PRELID2: variants seen among roughly 807,000 people sequenced by gnomAD.
The protein encoded by PRELID2 is PRELI domain-containing protein 2.
A neutral mutation model predicts 28.4 loss-of-function variants in PRELID2; 25 were observed. That is an observed-to-expected ratio of 0.88 (90% CI 0.64 to 1.23). The LOEUF (loss-of-function observed/expected upper bound fraction) is 1.23, where lower values mean the gene tolerates loss of function less well. PRELID2 is among the 50% of genes most tolerant of loss of function. The pLI is 0.00. For synonymous variants in PRELID2, 76 were observed against 71.6 expected, an observed-to-expected ratio of 1.06 and a Z score of -0.31; for missense variants, 201 against 214.4, an observed-to-expected ratio of 0.94 and a Z score of 0.39.
intron 1 of PRELID2, among the ~76,000 whole-genome samples, chr5:145,724,291 T>TA (rs1444706863): frequency 4.0e-5 from 6 of 151,462 alleles, no homozygotes; most frequent in Admixed American, 6.6e-5. Flanking sequence ...ATTATGATCA[T>TA]AAAAAAATCA....
intron 4 of PRELID2, among the ~76,000 whole-genome samples, chr5:145,816,146 G>T (rs552074974): frequency 5.6e-5 from 8 of 143,220 alleles, no homozygotes; most frequent in African/African-American, 2.1e-4. Context: ...GCCATGGTGC[G>T]ATCTCGGCTC....
chr5:145,675,937 G>T (rs1420372530), intron 1 of PRELID2, among the ~76,000 whole-genome samples: 1 of 152,136 alleles, frequency 6.6e-6, no homozygotes, highest in Non-Finnish European at 1.5e-5. Flanking sequence ...ACAATAATGT[G>T]GGGCTGGGCG....
At chr5:145,371,048 G>C in the PRELID2 span, among the ~76,000 whole-genome samples, 1 of 152,072 alleles carries the variant, frequency 6.6e-6, no homozygotes, top group East Asian at 1.9e-4. Flanking sequence ...ATACAATCAT[G>C]TCATCTGCTA....
the PRELID2 span, among the ~76,000 whole-genome samples, chr5:145,382,242 G>T: frequency 2.6e-5 from 4 of 151,950 alleles, no homozygotes; most frequent in South Asian, 8.3e-4. Context: ...ACTGAAAAAA[G>T]ATTAACACAT....
chr5:145,680,361 C>A (rs1485116027), intron 1 of PRELID2, among the ~76,000 whole-genome samples: 1 of 152,168 alleles, frequency 6.6e-6, no homozygotes, highest in East Asian at 1.9e-4. Flanking sequence ...ACTGTGCCCC[C>A]TAGGGGCTGG....
At chr5:145,279,328 C>T in the PRELID2 span, among the ~76,000 whole-genome samples, 3 of 152,100 alleles carry the variant, frequency 2.0e-5, no homozygotes, top group Non-Finnish European at 2.9e-5. Context: ...CATTATCATC[C>T]CTGATCTAGC....
At chr5:145,641,101 T>C (rs1754099981) in intron 1 of PRELID2, among the ~76,000 whole-genome samples, 1 of 152,158 alleles carries the variant, frequency 6.6e-6, no homozygotes, top group African/African-American at 2.4e-5. Context: ...AGAAAAGGAT[T>C]TGTTTAAATA....
chr5:145,630,690 A>C (rs1753920780), intron 1 of PRELID2, among the ~76,000 whole-genome samples: 1 of 152,186 alleles, frequency 6.6e-6, no homozygotes, highest in African/African-American at 2.4e-5. Context: ...TATTCACCCA[A>C]AGAACTACCA....
chr5:145,462,779 C>T, the PRELID2 span, among the ~76,000 whole-genome samples: 5 of 152,216 alleles, frequency 3.3e-5, no homozygotes, highest in African/African-American at 9.6e-5. Context: ...ACTCTCCATA[C>T]GGTTACTCTT....
At chr5:145,833,976 G>A (rs1027275005) in intron 1 of PRELID2, among the ~76,000 whole-genome samples, 9 of 152,204 alleles carry the variant, frequency 5.9e-5, no homozygotes, top group African/African-American at 2.2e-4. Context: ...AACCAGATCA[G>A]AGTCCAGGAG....
chr5:145,384,463 T>A, the PRELID2 span, among the ~76,000 whole-genome samples: 2 of 152,162 alleles, frequency 1.3e-5, no homozygotes, highest in African/African-American at 2.4e-5. Flanking sequence ...ACAATATATA[T>A]GAATATTCAA....
At chr5:145,822,157 G>C (rs1393257688) in intron 2 of PRELID2, among the ~76,000 whole-genome samples, 2 of 152,072 alleles carry the variant, frequency 1.3e-5, no homozygotes, top group Non-Finnish European at 2.9e-5. Context: ...CTGGACCTAG[G>C]CCCCAGTGTC....
At chr5:145,484,054 C>G (rs1047944800) in intron 1 of PRELID2, among the ~76,000 whole-genome samples, 8 of 152,164 alleles carry the variant, frequency 5.3e-5, no homozygotes, top group African/African-American at 1.9e-4. Flanking sequence ...AAGAGAAAAT[C>G]AAATGCAGAC....
intron 5 of PRELID2, among the ~76,000 whole-genome samples, chr5:145,782,736 C>T (rs953481904): frequency 1.3e-5 from 2 of 152,166 alleles, no homozygotes; most frequent in South Asian, 4.1e-4. Flanking sequence ...TGACTACAAA[C>T]TTGTTTGAAT....
At chr5:145,580,026 C>T (rs1753094254) in intron 1 of PRELID2, among the ~76,000 whole-genome samples, 1 of 152,030 alleles carries the variant, frequency 6.6e-6, no homozygotes, top group African/African-American at 2.4e-5. Context: ...AAATAAGATT[C>T]TATTCCTCTA....
chr5:145,513,360 G>T (rs1244813101), intron 1 of PRELID2, among the ~76,000 whole-genome samples: 1 of 151,548 alleles, frequency 6.6e-6, no homozygotes, highest in Non-Finnish European at 1.5e-5. Context: ...ATCAATAGCC[G>T]AACAGATCAA....
intron 4 of PRELID2, among the ~76,000 whole-genome samples, chr5:145,803,098 G>A (rs1157383266): frequency 2.0e-5 from 3 of 152,126 alleles, no homozygotes; most frequent in Non-Finnish European, 4.4e-5. Context: ...GATGACCTCA[G>A]TTCTAATCAT....
chr5:145,809,463 G>A (rs1048035585), intron 4 of PRELID2, among the ~76,000 whole-genome samples: 1 of 152,218 alleles, frequency 6.6e-6, no homozygotes, highest in Non-Finnish European at 1.5e-5. Flanking sequence ...AGCACCTGGA[G>A]ACAAAGAGCC....
At chr5:145,624,575 C>T (rs774429527) in intron 1 of PRELID2, among the ~76,000 whole-genome samples, 10 of 152,066 alleles carry the variant, frequency 6.6e-5, no homozygotes, top group Non-Finnish European at 1.5e-4. Context: ...CTTTTCTTAT[C>T]CCATACACAA....
Sources: gnomAD v4.1 joint callset for allele counts (sites outside exome capture counted in the v4.1 genomes callset) on GRCh38, gnomAD v4.1.1 for gene constraint, MANE v1.5 for transcripts, NCBI Gene and HGNC (gene_info 2026-07-23, HGNC 2026-07-21) for gene names.